The following ASH1L variants were observed in gnomAD, a reference collection of about 807,000 sequenced individuals.
ASH1L encodes ASH1 like histone lysine methyltransferase, also known as histone-lysine N-methyltransferase ASH1L.
In ASH1L, 23 loss-of-function variants were observed where a neutral mutation model predicts 269.0. That is an observed-to-expected ratio of 0.09 (90% CI 0.06 to 0.12). ASH1L has a LOEUF of 0.12. ASH1L is among the 10% of genes least tolerant of loss of function. The pLI is 1.00. For synonymous variants in ASH1L, 1,187 were observed against 1,253.5 expected (o/e 0.95, Z 1.12); for missense variants, 2,912 against 3,567.8 (o/e 0.82, Z 4.68).
Position 155,480,382 on chromosome 1 carries a change from T to C in ASH1L, c.2488A>G (p.Arg830Gly). 6.2e-7 allele frequency: 1 copy of C among 1,614,076 alleles called. No individual in the cohort carries two copies. Among genetic ancestry groups the C allele is most frequent in the Non-Finnish European group, 8.5e-7 (1 of 1,179,912 alleles). Residue 830 changes from arginine to glycine, a missense_variant, in exon 3 of 28, where the codon AGG (arginine) becomes GGG (glycine). Physicochemically the swap from Arg to Gly is moderately radical, Grantham distance 125. Around this residue, in one of 13 missense-constraint regions of ASH1L, gnomAD observed 715 missense variants for 721.0 expected, o/e 0.99. Transcript: ENST00000392403. Reference sequence around the variant, plus strand: ...TGAGGCATCTCCTTAGATTTAGGCCTTCCTCTTTTGGGCTTATAAATATCA... The same window carrying C: ...TGAGGCATCTCCTTAGATTTAGGCCCTCCTCTTTTGGGCTTATAAATATCA... ...LSDIYKPKRG[R>G]PKSKEMPQLE...
chr1:155,379,031 T>C (rs1474967109), intron 8 of ASH1L, among the ~76,000 whole-genome samples: 1 of 151,662 alleles, frequency 6.6e-6, no homozygotes, highest in Admixed American at 6.6e-5. Context: ...ATTAATTTAG[T>C]GAATAAAGGA....
intron 1 of ASH1L, among the ~76,000 whole-genome samples, chr1:155,555,990 G>A (rs1030497254): frequency 1.3e-5 from 2 of 152,346 alleles, no homozygotes; most frequent in East Asian, 3.9e-4. Flanking sequence ...GAAACAGTGT[G>A]TTAACTGTGT....
At chr1:155,485,819 C>A (rs1237608620) in intron 2 of ASH1L, among the ~76,000 whole-genome samples, 1 of 152,124 alleles carries the variant, frequency 6.6e-6, no homozygotes, top group African/African-American at 2.4e-5. Flanking sequence ...AGGGCTCCTG[C>A]AGAAATGACT....
intron 5 of ASH1L, chr1:155,434,326 A>G: frequency 3.9e-6 from 6 of 1,549,422 alleles, no homozygotes; most frequent in Non-Finnish European, 5.2e-6. Context: ...GAGAACCTGG[A>G]GTTTGTGCCA....
At chr1:155,466,652 G>A (rs756429646) in intron 3 of ASH1L, among the ~76,000 whole-genome samples, 1 of 152,138 alleles carries the variant, frequency 6.6e-6, no homozygotes, top group East Asian at 1.9e-4. Context: ...TAAGAATCAG[G>A]TCAGAGTATT....
At chr1:155,451,926 G>C (rs1236218472) in intron 4 of ASH1L, among the ~76,000 whole-genome samples, 1 of 151,818 alleles carries the variant, frequency 6.6e-6, no homozygotes, top group African/African-American at 2.4e-5. Flanking sequence ...TCACCATGTT[G>C]GCCAGACTAG....
At chr1:155,456,337 C>G (rs558939062) in intron 4 of ASH1L, among the ~76,000 whole-genome samples, 8 of 152,330 alleles carry the variant, frequency 5.3e-5, no homozygotes, top group Admixed American at 5.2e-4. Context: ...AAGCTCCAAA[C>G]TTTCACATTC....
At position 155,398,216 on chromosome 1, in the gene ASH1L, A is replaced by G. The variant is rs185583442; in HGVS notation, c.6009-2663T>C. On this transcript the variant is annotated intron_variant, in intron 6 of 27. Coordinates refer to ENST00000392403, the MANE Select transcript of ASH1L (RefSeq NM_018489.3). ...AAGCACTTTATAAACAGCAAAGGAG[A>G]ACACAAACATAACTTAATAGATGTA... Among the ~76,000 whole-genome samples, 416 of 152,318 alleles carry G rather than the reference A, an allele frequency of 2.7e-3. 4 individuals are homozygous for G. The highest frequency in any genetic ancestry group is 6.0e-4 in the Non-Finnish European group (41 of 68,016).
chr1:155,418,658 T>C (rs1408241316), intron 5 of ASH1L, among the ~76,000 whole-genome samples: 1 of 151,896 alleles, frequency 6.6e-6, no homozygotes, highest in African/African-American at 2.4e-5. Flanking sequence ...TTTCCCAAAA[T>C]GATAAAAAGC....
chr1:155,430,898 T>C (rs541069440), intron 5 of ASH1L, among the ~76,000 whole-genome samples: 1 of 152,174 alleles, frequency 6.6e-6, no homozygotes, highest in East Asian at 1.9e-4. Context: ...GCTGAGACTA[T>C]TGGTGTGGCC....
rs897760081 is a variant in ASH1L, at chr1:155,500,465, C to A, written c.421-18016G>T. 1.5e-4 allele frequency among the ~76,000 whole-genome samples: 23 copies of A among 152,094 alleles called. No individual in the cohort carries two copies. The East Asian group carries it at 4.4e-3, about 29-fold the overall frequency. The stretch of plus-strand genomic sequence containing the variant: ...CAGAGATACCTACATACAATCGGGT[C>A]TTCTTGCTTGAATAGCATTTGTCAA... On this transcript the variant is annotated intron_variant, in intron 2 of 27. Coordinates refer to ENST00000392403, the MANE Select transcript of ASH1L (RefSeq NM_018489.3).
intron 2 of ASH1L, among the ~76,000 whole-genome samples, chr1:155,505,384 T>C (rs771718994): frequency 1.3e-5 from 2 of 152,250 alleles, no homozygotes; most frequent in Non-Finnish European, 2.9e-5. Flanking sequence ...TATGTATTTC[T>C]ATCATGGCAG....
chr1:155,343,436 T>C lies in ASH1L; in HGVS notation c.8171A>G (p.His2724Arg). The change falls in exon 24 of 28, where the codon CAC becomes CGC. Residue 2724 changes from histidine to arginine, a missense_variant. Coordinates refer to ENST00000392403, the MANE Select transcript of ASH1L (RefSeq NM_018489.3). The surrounding 1 kb of genome is among the most constrained non-coding windows in gnomAD (Gnocchi z 6.1). ...GHHYFRPHET[H>R]HSPSRRFYHN... Reference sequence around the variant, plus strand: ...ATAGAACCGACGGGATGGAGAGTGGTGTGTTTCGTGGGGACGGAAATAATG... The same window carrying C: ...ATAGAACCGACGGGATGGAGAGTGGCGTGTTTCGTGGGGACGGAAATAATG... 1 of 1,614,094 alleles carries C rather than the reference T, an allele frequency of 6.2e-7. No homozygotes were observed. The highest frequency in any genetic ancestry group is 8.5e-7 in the Non-Finnish European group (1 of 1,180,006).
intron 5 of ASH1L, chr1:155,433,189 C>A: frequency 6.5e-7 from 1 of 1,537,152 alleles, no homozygotes; most frequent in East Asian, 2.4e-5. Context: ...CATGGCGGGA[C>A]ACCTGGCTTC....
intron 1 of ASH1L, among the ~76,000 whole-genome samples, chr1:155,537,752 T>A (rs5020058): frequency 0.28 from 40,946 of 146,862 alleles, 6,202 homozygotes; most frequent in East Asian, 0.73. Context: ...TTTTTTTTTT[T>A]TAAAAAAAGC....
chr1:155,343,913 C>T lies in ASH1L; in HGVS notation c.7982-171G>A, dbSNP rs550846384. 1.3e-5 allele frequency among the ~76,000 whole-genome samples: 2 copies of T among 152,156 alleles called. No individual in the cohort carries two copies. The highest frequency in any genetic ancestry group is 4.8e-5 in the African/African-American group (2 of 41,428). ...GATGATAATCAATTCTAGACTATGA[C>T]AATAATATAAGGGAGGCATTCCATT... On this transcript the variant is annotated intron_variant, in intron 22 of 27. Coordinates refer to ENST00000392403, the MANE Select transcript of ASH1L (RefSeq NM_018489.3). The surrounding 1 kb of genome is among the most constrained non-coding windows in gnomAD (Gnocchi z 6.1).
intron 4 of ASH1L, among the ~76,000 whole-genome samples, chr1:155,441,279 G>GTC (rs765940485): frequency 4.6e-5 from 7 of 151,502 alleles, no homozygotes; most frequent in Non-Finnish European, 7.4e-5. Context: ...GAAAAGGTCT[G>GTC]TCTCTCTCTC....
chr1:155,479,223 T>G lies in ASH1L; in HGVS notation c.3647A>C (p.Lys1216Thr). ...DNNSTSDRAE[K>T]FCGQKKRRHS... Reference sequence around the variant, plus strand: ...CCTCCTCTTTTTTTGCCCACAAAATTTCTCTGCCCTGTCTGATGTGCTGTT... The same window carrying G: ...CCTCCTCTTTTTTTGCCCACAAAATGTCTCTGCCCTGTCTGATGTGCTGTT... The change falls in exon 3 of 28, where the codon AAA (lysine) becomes ACA (threonine). Residue 1216 changes from lysine to threonine, a missense_variant. Physicochemically the swap from Lys to Thr is moderately conservative, Grantham distance 78 (BLOSUM62 -1). Transcript: ENST00000392403. The G allele has an allele frequency of 6.2e-7, 1 of 1,614,142 alleles. No homozygotes were observed. The highest frequency in any genetic ancestry group is 1.3e-5 in the African/African-American group (1 of 75,034).
intron 6 of ASH1L, among the ~76,000 whole-genome samples, chr1:155,414,784 T>A (rs916273974): frequency 6.6e-6 from 1 of 152,194 alleles, no homozygotes; most frequent in African/African-American, 2.4e-5. Context: ...GACTGGAATA[T>A]CCTTCTCCAT....
Sources: allele counts gnomAD v4.1 joint callset (sites outside exome capture counted in the v4.1 genomes callset), GRCh38; gene constraint gnomAD v4.1.1; regional missense constraint gnomAD v4.1.1; non-coding constraint Gnocchi (gnomAD v3.1); transcripts MANE v1.5; gene names NCBI Gene and HGNC (gene_info 2026-07-23, HGNC 2026-07-21).